The following GLT8D2 variants were observed in gnomAD, a reference collection of about 807,000 sequenced individuals.
The protein encoded by GLT8D2 is glycosyltransferase 8 domain containing 2.
GLT8D2 carries 45 observed loss-of-function variants against 44.5 expected under a neutral mutation model. That is an observed-to-expected ratio of 1.01 (90% CI 0.80 to 1.30). The LOEUF (loss-of-function observed/expected upper bound fraction) is 1.30, where lower values mean the gene tolerates loss of function less well. GLT8D2 is among the 50% of genes most tolerant of loss of function. GLT8D2 has a pLI of 0.00. For missense variants in GLT8D2, 400 were observed against 430.4 expected (o/e 0.93, Z 0.62); for synonymous variants, 156 against 157.2 (o/e 0.99, Z 0.06).
At chr12:103,999,582 A>G in intron 5 of GLT8D2, 68 bp from the exon 6 acceptor site, 1 of 901,492 alleles carries the variant, frequency 1.1e-6, no homozygotes, top group Admixed American at 1.8e-5. Context: ...CTATTGCCCC[A>G]AGGTCAATCT....
At chr12:104,012,950 A>C in intron 4 of GLT8D2, 1 of 568,772 alleles carries the variant, frequency 1.8e-6, no homozygotes, top group Non-Finnish European at 3.1e-6. Context: ...GAGAGGCCTC[A>C]GGAGAAACAA....
At chr12:103,999,032 C>A (rs746460074) in intron 6 of GLT8D2, among the ~76,000 whole-genome samples, 26 of 152,192 alleles carry the variant, frequency 1.7e-4, no homozygotes, top group Admixed American at 3.3e-4. Context: ...TCCGAGGCAG[C>A]TTTAACGTAC....
intron 5 of GLT8D2, among the ~76,000 whole-genome samples, chr12:104,002,190 C>G (rs1047868157): frequency 5.3e-5 from 8 of 152,150 alleles, no homozygotes; most frequent in Admixed American, 3.9e-4. Flanking sequence ...CGAGCCTGAT[C>G]CCAAGTCATC....
chr12:104,000,263 C>G (rs1428530776), intron 5 of GLT8D2, among the ~76,000 whole-genome samples: 1 of 152,072 alleles, frequency 6.6e-6, no homozygotes, highest in Non-Finnish European at 1.5e-5. Flanking sequence ...AAAAGATAGA[C>G]TAACAGCAAA....
intron 1 of GLT8D2, among the ~76,000 whole-genome samples, chr12:104,024,398 A>C (rs1310767076): frequency 2.0e-5 from 3 of 152,036 alleles, no homozygotes; most frequent in South Asian, 2.1e-4. Context: ...GCACCACTGC[A>C]CTCCAGCCCC....
At chr12:104,049,482 T>G (rs1881513245) in intron 1 of GLT8D2, 1 of 152,228 alleles carries the variant, frequency 6.6e-6, no homozygotes, top group Non-Finnish European at 1.5e-5. Flanking sequence ...AACAGCTTCC[T>G]AAGGCAGATT....
rs146497790 is a variant in GLT8D2, at chr12:103,995,256, T to C, written c.601-755A>G. On this transcript the variant is annotated intron_variant, in intron 8 of 10. Coordinates refer to ENST00000360814, the MANE Select transcript of GLT8D2 (RefSeq NM_001384711.1). ...GCTCCTCCAATAGCTTCCCATCTCA[T>C]TCACAGAAACAGCCAGATTTCCTAA... Among the ~76,000 whole-genome samples, 669 of 152,298 alleles carry C rather than the reference T, an allele frequency of 4.4e-3. 3 individuals carry two copies. Among genetic ancestry groups the C allele is most frequent in the African/African-American group, 0.015 (629 of 41,576 alleles).
At chr12:104,037,226 C>T (rs1041082151) in intron 1 of GLT8D2, among the ~76,000 whole-genome samples, 1 of 152,012 alleles carries the variant, frequency 6.6e-6, no homozygotes, top group East Asian at 1.9e-4. Context: ...GATCTAAAAT[C>T]GACACCCTAA....
At chr12:104,048,093 C>T (rs1207189600) in intron 1 of GLT8D2, among the ~76,000 whole-genome samples, 1 of 152,144 alleles carries the variant, frequency 6.6e-6, no homozygotes, top group African/African-American at 2.4e-5. Context: ...TTCTATATAC[C>T]AGTACAACAC....
At chr12:103,989,959 A>C (rs1872516344) in intron 10 of GLT8D2, among the ~76,000 whole-genome samples, 2 of 151,916 alleles carry the variant, frequency 1.3e-5, no homozygotes, top group African/African-American at 4.8e-5. Flanking sequence ...GTGACTGTAT[A>C]GAATGATACT....
chr12:104,024,997 G>A (rs1878377231), intron 1 of GLT8D2, among the ~76,000 whole-genome samples: 1 of 149,422 alleles, frequency 6.7e-6, no homozygotes, highest in Admixed American at 6.7e-5. Context: ...CTGAACCTGG[G>A]AGGTGGAGGT....
intron 1 of GLT8D2, among the ~76,000 whole-genome samples, chr12:104,037,100 G>A (rs1880000433): frequency 6.6e-6 from 1 of 152,290 alleles, no homozygotes; most frequent in South Asian, 2.1e-4. Flanking sequence ...AAATAAAGAT[G>A]TTCTTTGAAA....
Position 104,021,918 on chromosome 12 carries a change from GAAGAAGAAGAAGAAGAAGAAGAAGAA to G in GLT8D2, c.-163-453_-163-428del, listed in dbSNP as rs1877763232. 3.0e-3 allele frequency among the ~76,000 whole-genome samples: 69 copies of G among 23,020 alleles called. 6 individuals carry two copies. The East Asian group carries it at 0.056, about 19-fold the overall frequency. The allele number at this position is 23,020 out of a possible 152,430, so 15.1% of individuals were successfully genotyped here. On this transcript the variant is annotated intron_variant, in intron 1 of 10. Coordinates refer to ENST00000360814, the MANE Select transcript of GLT8D2 (RefSeq NM_001384711.1). ...AGAAGAAGAAGAAGAAGAAGAAGAAGAAGAAGAAGAAGAAGAAGAAGAAGAAGAAGAAGAAGAGGAAGAAGAGGAAG... is the reference window on the plus strand; with the variant it reads ...AGAAGAAGAAGAAGAAGAAGAAGAAGGAAGAAGAAGAGGAAGAAGAGGAAG...
At chr12:104,001,346 C>T (rs1874190812) in intron 5 of GLT8D2, among the ~76,000 whole-genome samples, 2 of 152,164 alleles carry the variant, frequency 1.3e-5, no homozygotes, top group Non-Finnish European at 2.9e-5. Flanking sequence ...CATTGTTGTA[C>T]ACGTATTTTG....
intron 2 of GLT8D2, among the ~76,000 whole-genome samples, chr12:104,020,371 C>T (rs569579249): frequency 6.6e-6 from 1 of 152,134 alleles, no homozygotes; most frequent in African/African-American, 2.4e-5. Flanking sequence ...CTTCGTTCCT[C>T]GATAAGGCAG....
intron 1 of GLT8D2, among the ~76,000 whole-genome samples, chr12:104,048,554 C>T (rs185423406): frequency 6.6e-6 from 1 of 151,940 alleles, no homozygotes; most frequent in Admixed American, 6.5e-5. Context: ...ATTTTCTCAG[C>T]AAGGAAAGAG....
chr12:104,022,053 GAAGGGAAAGAAA>G (rs1877950868), intron 1 of GLT8D2, among the ~76,000 whole-genome samples: 1 of 104,290 alleles, frequency 9.6e-6, no homozygotes, highest in Non-Finnish European at 1.8e-5. Flanking sequence ...AGAAGAAGAA[GAAGGGAAAGAAA>G]GAAAGAAAGA....
intron 2 of GLT8D2, 127 bp from the exon 3 acceptor site, chr12:104,019,803 T>G (rs575026200): frequency 1.8e-6 from 1 of 553,194 alleles, no homozygotes; most frequent in African/African-American, 1.9e-5. Flanking sequence ...TTTTTACTGC[T>G]CCAAATCTAA....
At chr12:104,028,550 T>A (rs556101523) in intron 1 of GLT8D2, among the ~76,000 whole-genome samples, 2 of 152,202 alleles carry the variant, frequency 1.3e-5, no homozygotes, top group African/African-American at 4.8e-5. Flanking sequence ...TGGGTTCAAA[T>A]CCTAGCTGCA....
Sources: gnomAD v4.1 joint callset for allele counts (sites outside exome capture counted in the v4.1 genomes callset) on GRCh38, gnomAD v4.1.1 for gene constraint, MANE v1.5 for transcripts, NCBI Gene and HGNC (gene_info 2026-07-23, HGNC 2026-07-21) for gene names.